ZSCAN5A: variants seen among roughly 807,000 people sequenced by gnomAD.
ZSCAN5A encodes the protein zinc finger and SCAN domain-containing protein 5A.
A neutral mutation model predicts 23.7 loss-of-function variants in ZSCAN5A; 12 were observed. The observed-to-expected ratio is 0.51, with a 90% CI of 0.32 to 0.82. The LOEUF is 0.82. Among genes scored for constraint, ZSCAN5A ranks in the 40% least tolerant of loss-of-function variants. ZSCAN5A has a pLI of 0.03. For synonymous variants in ZSCAN5A, 257 were observed against 239.9 expected (o/e 1.07, Z -0.66); for missense variants, 597 against 617.9 (o/e 0.97, Z 0.36).
At position 56,225,257 on chromosome 19, in the gene ZSCAN5A, A is replaced by G. The variant is rs545663385; in HGVS notation, c.-127-84T>C. The G allele has an allele frequency of 6.2e-6, 8 of 1,280,996 alleles. No individual in the cohort carries two copies. In the African/African-American group the frequency reaches 1.0e-4, roughly 17 times the overall value. The allele number at this position is 1,280,996 out of a possible 1,614,324, so 79.4% of individuals were successfully genotyped here. A position where few individuals can be genotyped will look rare whatever the true frequency, so the allele number is the denominator to read the frequency against. ...TTCGAAATCCCTCATCCTGGATGCC[A>G]CTTCTTCAGCAGCATCGAATTCAGC... On this transcript the variant is annotated intron_variant, in intron 2 of 5. Transcript: ENST00000683990.
intron 2 of ZSCAN5A, among the ~76,000 whole-genome samples, chr19:56,304,233 G>A (rs1401930953): frequency 6.6e-6 from 1 of 152,222 alleles, no homozygotes. Context: ...CCGTGCAGCA[G>A]TTCTAAAGGA....
chr19:56,265,958 G>A (rs1040575422), intron 2 of ZSCAN5A, among the ~76,000 whole-genome samples: 3 of 152,244 alleles, frequency 2.0e-5, no homozygotes, highest in African/African-American at 7.2e-5. Context: ...CACATACAGT[G>A]GAGCAGAGGT....
intron 2 of ZSCAN5A, chr19:56,280,796 T>A (rs1156952149): frequency 2.0e-5 from 3 of 152,194 alleles, no homozygotes; most frequent in Admixed American, 6.5e-5. Flanking sequence ...TCATGAAAGT[T>A]GAGCCCTTGT....
At chr19:56,235,092 GATGGACGGTGGGCCAAGCCTCCACTCCAA>G (rs2034785994) in intron 2 of ZSCAN5A, among the ~76,000 whole-genome samples, 3 of 136,122 alleles carry the variant, frequency 2.2e-5, no homozygotes, top group Admixed American at 1.5e-4. Flanking sequence ...TCCAACCTCT[GATGGACGGTGGGCCAAGCCTCCACTCCAA>G]CCTCTGATGG....
chr19:56,257,778 ACT>A, intron 2 of ZSCAN5A, among the ~76,000 whole-genome samples: 1 of 118,156 alleles, frequency 8.5e-6, no homozygotes, highest in Admixed American at 9.6e-5. Context: ...GCGCCAGGGG[ACT>A]CTGCAAGCCT....
At chr19:56,332,670 T>A (rs573689786) in intron 2 of ZSCAN5A, among the ~76,000 whole-genome samples, 1 of 152,324 alleles carries the variant, frequency 6.6e-6, no homozygotes, top group South Asian at 2.1e-4. Context: ...AGGTTAATAG[T>A]GATATGTGAG....
chr19:56,302,017 G>A, intron 2 of ZSCAN5A: 7 of 1,232,068 alleles, frequency 5.7e-6, no homozygotes, highest in Non-Finnish European at 7.1e-6. Flanking sequence ...TCCCCAAGAG[G>A]AAGAACACGT....
chr19:56,349,103 G>A (rs1264845085), intron 2 of ZSCAN5A, among the ~76,000 whole-genome samples: 4 of 152,156 alleles, frequency 2.6e-5, no homozygotes. Context: ...CATGTGCTCA[G>A]AAATTGTTTT....
chr19:56,305,713 C>G (rs1000892231), intron 2 of ZSCAN5A, among the ~76,000 whole-genome samples: 2 of 152,088 alleles, frequency 1.3e-5, no homozygotes, highest in Non-Finnish European at 1.5e-5. Context: ...TAGATGATTA[C>G]AGGTGATACT....
intron 2 of ZSCAN5A, among the ~76,000 whole-genome samples, chr19:56,291,759 G>A (rs1182895863): frequency 6.6e-6 from 1 of 151,566 alleles, no homozygotes; most frequent in Admixed American, 6.6e-5. Context: ...TTAAACTCAA[G>A]AACTGGGAAA....
At chr19:56,356,324 C>T (rs561521218) in intron 2 of ZSCAN5A, among the ~76,000 whole-genome samples, 16 of 148,754 alleles carry the variant, frequency 1.1e-4, no homozygotes, top group East Asian at 1.9e-4. Context: ...ATGCAGGAAG[C>T]GTACTTACAG....
intron 2 of ZSCAN5A, among the ~76,000 whole-genome samples, chr19:56,255,784 C>CTCTATTTCTGCCCGTTGAG (rs2036655323): frequency 6.6e-6 from 1 of 152,114 alleles, no homozygotes; most frequent in Non-Finnish European, 1.5e-5. Context: ...AAGCACCTGG[C>CTCTATTTCTGCCCGTTGAG]TCTATTTCTG....
intron 2 of ZSCAN5A, among the ~76,000 whole-genome samples, chr19:56,292,686 C>CA (rs1010303324): frequency 2.0e-5 from 3 of 150,524 alleles, no homozygotes; most frequent in Non-Finnish European, 3.0e-5. Context: ...ACTGCCCCAC[C>CA]AAAAAAAAAG....
chr19:56,353,235 G>A (rs1162651378), intron 2 of ZSCAN5A, among the ~76,000 whole-genome samples: 1 of 152,210 alleles, frequency 6.6e-6, no homozygotes, highest in Non-Finnish European at 1.5e-5. Flanking sequence ...GGGAAGCTGG[G>A]ATTATCGAGT....
chr19:56,302,981 C>CAGGT (rs1323966990), intron 2 of ZSCAN5A: 1 of 397,470 alleles, frequency 2.5e-6, no homozygotes, highest in Non-Finnish European at 4.4e-6. Flanking sequence ...ACTTCATGAG[C>CAGGT]AGGTGCTAGT....
chr19:56,289,606 CTGTT>C (rs950201669), intron 2 of ZSCAN5A, among the ~76,000 whole-genome samples: 3 of 151,962 alleles, frequency 2.0e-5, no homozygotes, highest in South Asian at 4.2e-4. Context: ...GTGTGGTGGT[CTGTT>C]TGTTTGTTTT....
intron 2 of ZSCAN5A, chr19:56,347,996 G>A (rs938177243): frequency 6.6e-6 from 1 of 152,202 alleles, no homozygotes; most frequent in Non-Finnish European, 1.5e-5. Context: ...GCAGCAAGAC[G>A]AAGCAACTTC....
At chr19:56,302,160 G>GA in intron 2 of ZSCAN5A, 3 of 1,180,974 alleles carry the variant, frequency 2.5e-6, no homozygotes, top group South Asian at 8.6e-5. Context: ...GGGAAGTGGG[G>GA]GCACAGAGGA....
At chr19:56,293,522 T>C (rs2039656848) in intron 2 of ZSCAN5A, among the ~76,000 whole-genome samples, 1 of 152,064 alleles carries the variant, frequency 6.6e-6, no homozygotes, top group Non-Finnish European at 1.5e-5. Context: ...TGGCAGAGAG[T>C]GTGCACTGTG....
Sources: allele counts gnomAD v4.1 joint callset (sites outside exome capture counted in the v4.1 genomes callset), GRCh38; gene constraint gnomAD v4.1.1; transcripts MANE v1.5; gene names NCBI Gene and HGNC (gene_info 2026-07-23, HGNC 2026-07-21).